The following POLN variants were observed in gnomAD, a reference collection of about 807,000 sequenced individuals.
POLN encodes DNA polymerase N.
POLN carries 108 observed loss-of-function variants against 113.5 expected under a neutral mutation model. That is an observed-to-expected ratio of 0.95 (90% CI 0.81 to 1.12). The LOEUF is 1.12. POLN is among the 50% of genes most tolerant of loss of function. POLN has a pLI of 0.00. For missense variants in POLN, 1,097 were observed against 1,077.1 expected (o/e 1.02, Z -0.26); for synonymous variants, 386 against 391.5 (o/e 0.99, Z 0.17).
intron 6 of POLN, among the ~76,000 whole-genome samples, chr4:2,198,145 G>T (rs140652998): frequency 3.9e-5 from 6 of 152,342 alleles, no homozygotes; most frequent in Admixed American, 2.0e-4. Flanking sequence ...ATTGTTTGCA[G>T]GCAGTGATAA....
Position 2,072,438 on chromosome 4 carries a change from CAT to C in POLN, c.2518-141_2518-140del, listed in dbSNP as rs113120722. On this transcript the variant is annotated intron_variant, in intron 25 of 25. Coordinates refer to ENST00000511885, the MANE Select transcript of POLN (RefSeq NM_181808.4). ...ACATGATCAGACAGCCACACGCACACATGTGCATACACGTGCACACTCACCAC... is the reference window on the plus strand; with the variant it reads ...ACATGATCAGACAGCCACACGCACACGTGCATACACGTGCACACTCACCAC... 3.2e-5 allele frequency: 23 copies of C among 712,846 alleles called. 1 individual carries two copies. Among genetic ancestry groups the C allele is most frequent in the African/African-American group, 3.0e-4 (17 of 56,038 alleles). 44.2% of individuals were successfully genotyped at this position (712,846 alleles called of 1,614,324 possible).
In POLN at chr4:2,201,243, A is replaced by G. The variant is rs528554733; in HGVS notation, c.715-2526T>C. On this transcript the variant is annotated intron_variant, in intron 5 of 25. Transcript: ENST00000511885. ...GATCATGCCACTGCACTCCAGCCTG[A>G]GTGACAGAGTGAGACTCTGTCCCCC... 2.4e-3 allele frequency among the ~76,000 whole-genome samples: 284 copies of G among 116,894 alleles called. 1 individual carries two copies. Among genetic ancestry groups the G allele is most frequent in the African/African-American group, 8.5e-3 (271 of 31,926 alleles). The allele number at this position is 116,894 out of a possible 152,430, so 76.7% of individuals were successfully genotyped here. A position where few individuals can be genotyped will look rare whatever the true frequency, so the allele number is the denominator to read the frequency against.
intron 19 of POLN, among the ~76,000 whole-genome samples, chr4:2,118,390 G>C (rs922517548): frequency 6.6e-6 from 1 of 152,112 alleles, no homozygotes; most frequent in Non-Finnish European, 1.5e-5. Flanking sequence ...CAACTTTCAG[G>C]AATCTCATTC....
intron 2 of POLN, chr4:2,234,239 G>A (rs1734679880): frequency 6.6e-6 from 1 of 152,166 alleles, no homozygotes; most frequent in African/African-American, 2.4e-5. Context: ...AGGGTCTTTA[G>A]AAGTTAGCAC....
chr4:2,154,893 T>C lies in POLN; in HGVS notation c.1731+1895A>G, dbSNP rs975444314. 5.3e-5 allele frequency among the ~76,000 whole-genome samples: 8 copies of C among 152,276 alleles called. 1 individual carries two copies. The Middle Eastern group carries it at 0.01, about 194-fold the overall frequency. On this transcript the variant is annotated intron_variant, in intron 16 of 25. Coordinates refer to ENST00000511885, the MANE Select transcript of POLN (RefSeq NM_181808.4). ...GTTAAAGGTCATGGCTGAATGCACA[T>C]GTTATGTTTACATCTCATCTTTCCA...
At chr4:2,201,298 A>C (rs1479768537) in intron 5 of POLN, among the ~76,000 whole-genome samples, 1 of 148,248 alleles carries the variant, frequency 6.7e-6, no homozygotes, top group Admixed American at 6.7e-5. Context: ...AAAAAAAAAA[A>C]AAAAACGAGG....
intron 2 of POLN, among the ~76,000 whole-genome samples, chr4:2,232,362 T>C (rs934624811): frequency 2.0e-5 from 3 of 152,212 alleles, no homozygotes. Context: ...TTCTGATAGA[T>C]AATTTTAAGT....
intron 19 of POLN, among the ~76,000 whole-genome samples, chr4:2,114,957 T>G (rs1318687823): frequency 2.6e-5 from 4 of 152,114 alleles, no homozygotes; most frequent in East Asian, 3.9e-4. Context: ...TATCTCATTT[T>G]GGACACTTTC....
At chr4:2,080,010 C>G in intron 23 of POLN, 1 of 985,526 alleles carries the variant, frequency 1.0e-6, no homozygotes, top group Non-Finnish European at 1.2e-6. Context: ...CTTAGACCCC[C>G]ACGGGACTGT....
intron 19 of POLN, among the ~76,000 whole-genome samples, chr4:2,120,991 T>C (rs895689209): frequency 6.6e-6 from 1 of 152,250 alleles, no homozygotes; most frequent in African/African-American, 2.4e-5. Context: ...TAGACAATCA[T>C]GTCATCTGCT....
At chr4:2,089,298 C>CA in intron 20 of POLN, 7 of 1,402,720 alleles carry the variant, frequency 5.0e-6, no homozygotes, top group Non-Finnish European at 6.9e-6. Flanking sequence ...TAGGAAATGC[C>CA]AATGACAACA....
intron 17 of POLN, 56 bp from the exon 18 acceptor site, chr4:2,129,312 T>C: frequency 9.7e-7 from 1 of 1,034,810 alleles, no homozygotes; most frequent in South Asian, 1.3e-5. Flanking sequence ...GATGCATAGC[T>C]ATTCCTCAAT....
intron 19 of POLN, among the ~76,000 whole-genome samples, chr4:2,100,510 A>AG (rs1348981313): frequency 6.6e-6 from 1 of 152,240 alleles, no homozygotes; most frequent in African/African-American, 2.4e-5. Flanking sequence ...GCTCCTGGAC[A>AG]GGAGAATACA....
At chr4:2,089,412 C>G in intron 20 of POLN, 7 of 1,382,638 alleles carry the variant, frequency 5.1e-6, no homozygotes, top group Non-Finnish European at 6.9e-6. Context: ...TGACAGATGA[C>G]TGGTTACAAA....
chr4:2,169,122 T>G (rs1732798493), intron 13 of POLN, among the ~76,000 whole-genome samples: 1 of 152,102 alleles, frequency 6.6e-6, no homozygotes. Flanking sequence ...CGCACAGAGC[T>G]GCAGGCAGCT....
intron 19 of POLN, among the ~76,000 whole-genome samples, chr4:2,108,306 C>A (rs1185400022): frequency 6.6e-6 from 1 of 151,836 alleles, no homozygotes; most frequent in Non-Finnish European, 1.5e-5. Flanking sequence ...CCCCCTCAGG[C>A]ACATTTCTTA....
At chr4:2,148,921 G>GA (rs1398478117) in intron 16 of POLN, among the ~76,000 whole-genome samples, 5 of 151,830 alleles carry the variant, frequency 3.3e-5, no homozygotes, top group African/African-American at 4.8e-5. Flanking sequence ...AAAGTATTGA[G>GA]AAAAAAAACC....
At chr4:2,180,599 T>G (rs748186208) in intron 7 of POLN, among the ~76,000 whole-genome samples, 3 of 152,222 alleles carry the variant, frequency 2.0e-5, no homozygotes, top group Non-Finnish European at 2.9e-5. Context: ...AGCACATGTC[T>G]CCGTCAGCAG....
intron 19 of POLN, among the ~76,000 whole-genome samples, chr4:2,101,902 C>T (rs2108705002): frequency 6.6e-6 from 1 of 152,254 alleles, no homozygotes; most frequent in African/African-American, 2.4e-5. Context: ...CTCTTATGCC[C>T]CAGGGCTGAA....
Sources: gnomAD v4.1 joint callset for allele counts (sites outside exome capture counted in the v4.1 genomes callset) on GRCh38, gnomAD v4.1.1 for gene constraint, MANE v1.5 for transcripts, NCBI Gene and HGNC (gene_info 2026-07-23, HGNC 2026-07-21) for gene names.